FNIP1: variants seen among roughly 807,000 people sequenced by gnomAD.
FNIP1 encodes the protein folliculin-interacting protein 1.
FNIP1 carries 40 observed loss-of-function variants against 124.5 expected under a neutral mutation model. The observed-to-expected ratio is 0.32, with a 90% CI of 0.25 to 0.42. The LOEUF (loss-of-function observed/expected upper bound fraction) is 0.42. FNIP1 is among the 10% of genes least tolerant of loss of function. The pLI is 1.00. For missense variants in FNIP1, 1,176 were observed against 1,403.7 expected (o/e 0.84, Z 2.59); for synonymous variants, 472 against 470.6 (o/e 1.00, Z -0.04).
At chr5:131,777,289 ATC>A in intron 1 of FNIP1, among the ~76,000 whole-genome samples, 1 of 152,200 alleles carries the variant, frequency 6.6e-6, no homozygotes. Context: ...GAAATTTTGT[ATC>A]TCTGTTTTGT....
intron 10 of FNIP1, among the ~76,000 whole-genome samples, chr5:131,702,533 A>G (rs574876839): frequency 6.6e-6 from 1 of 152,292 alleles, no homozygotes; most frequent in East Asian, 1.9e-4. Context: ...GGTGGCAAGA[A>G]TGTCGATTTT....
chr5:131,795,770 C>G (rs936950694), intron 1 of FNIP1: 9 of 152,162 alleles, frequency 5.9e-5, no homozygotes, highest in Admixed American at 3.9e-4. Flanking sequence ...GTGGCAACTT[C>G]GCCTGTTCCA....
At chr5:131,678,976 T>C in intron 12 of FNIP1, 53 bp downstream of exon 12, 1 of 1,219,658 alleles carries the variant, frequency 8.2e-7, no homozygotes, top group African/African-American at 1.5e-5. Flanking sequence ...TCCACATCTG[T>C]AATTGAGTTT....
intron 2 of FNIP1, among the ~76,000 whole-genome samples, chr5:131,737,869 G>A (rs980815331): frequency 3.9e-5 from 6 of 152,118 alleles, no homozygotes; most frequent in African/African-American, 1.4e-4. Context: ...TTATTCACCT[G>A]TATTCCCTAG....
chr5:131,730,267 T>C (rs1350201155), intron 3 of FNIP1, among the ~76,000 whole-genome samples: 1 of 152,176 alleles, frequency 6.6e-6, no homozygotes, highest in Non-Finnish European at 1.5e-5. Context: ...GGTATAAAGA[T>C]CAATTTCCAT....
intron 15 of FNIP1, among the ~76,000 whole-genome samples, chr5:131,652,534 T>C (rs1580727087): frequency 6.6e-6 from 1 of 152,152 alleles, no homozygotes; most frequent in South Asian, 2.1e-4. Context: ...TTTTGTATTT[T>C]AGTAGAGATG....
rs189192684 is a variant in FNIP1, at chr5:131,785,346, G to C, written c.92+11484C>G. 1.9e-3 allele frequency among the ~76,000 whole-genome samples: 286 copies of C among 151,762 alleles called. 1 individual carries two copies. Among genetic ancestry groups the C allele is most frequent in the African/African-American group, 5.9e-3 (243 of 41,422 alleles). On this transcript the variant is annotated intron_variant, in intron 1 of 17. Coordinates refer to ENST00000510461, the MANE Select transcript of FNIP1 (RefSeq NM_133372.3). ...GAGGCAGGTGGACTGCTTGAGGTCA[G>C]GAGTTCAAGACCAGCCTGCCCAACA...
intron 1 of FNIP1, among the ~76,000 whole-genome samples, chr5:131,759,168 T>C (rs1204927243): frequency 6.6e-6 from 1 of 152,018 alleles, no homozygotes; most frequent in Admixed American, 6.6e-5. Flanking sequence ...ACCTAGAAAA[T>C]ACCCTTCTCG....
chr5:131,744,577 T>C lies in FNIP1; in HGVS notation c.206A>G (p.Asp69Gly). Residue 69 changes from aspartate (D) to glycine (G), a missense_variant, in exon 2 of 18, where the codon GAC becomes GGC. Physicochemically the swap from Asp to Gly is moderately conservative, Grantham distance 94 (BLOSUM62 -1). Around this residue, in one of 2 missense-constraint regions of FNIP1, gnomAD observed 1,109 missense variants for 1,288.5 expected, o/e 0.86. Transcript: ENST00000510461. ...AATGATGCTCACCGATACTGATATG[T>C]CCTCATTTCTTCTCTTAACACTGGA... ...FDSSVKRRNE[D>G]ISVSKLGSDA... 1 of 1,604,150 alleles carries C rather than the reference T, an allele frequency of 6.2e-7. No individual in the cohort carries two copies.
At chr5:131,776,143 G>C (rs1248867950) in intron 1 of FNIP1, among the ~76,000 whole-genome samples, 1 of 152,170 alleles carries the variant, frequency 6.6e-6, no homozygotes, top group Admixed American at 6.5e-5. Context: ...TGGTAAATTT[G>C]TAGAACTGCA....
chr5:131,719,958 A>AT (rs1769602265), intron 3 of FNIP1, among the ~76,000 whole-genome samples: 2 of 152,216 alleles, frequency 1.3e-5, no homozygotes, highest in South Asian at 2.1e-4. Context: ...TCCTAATGGC[A>AT]TTTTTTACAA....
In FNIP1 at chr5:131,671,825, C is replaced by G; in HGVS notation, c.2619G>C (p.Leu873Phe). 6.2e-7 allele frequency: 1 copy of G among 1,613,968 alleles called. No homozygotes were observed. Among genetic ancestry groups the G allele is most frequent in the East Asian group, 2.2e-5 (1 of 44,872 alleles). ...TGTTCTGCTTGTTATTTTTTGTACA[C>G]AATATTTTTGAAAACTCTAACATAC... is the stretch of plus-strand genomic sequence containing the variant. ...HCCMLEFSKI[L>F]CTKNNKQNNE... is the part of the protein sequence containing the mutation. Residue 873 changes from leucine (L) to phenylalanine (F), a missense_variant, in exon 14 of 18, where the codon TTG becomes TTC. By Grantham distance (22) the Leu-to-Phe change is conservative (BLOSUM62 0). Transcript: ENST00000510461.
In FNIP1 at chr5:131,651,973, T is replaced by C. The variant is rs143682385; in HGVS notation, c.3135A>G (p.Ala1045=). The C allele has an allele frequency of 8.8e-5, 142 of 1,613,674 alleles. No homozygotes were observed. The African/African-American group carries it at 1.7e-3, about 20-fold the overall frequency. The change falls in exon 16 of 18, where the codon GCA becomes GCG. Residue 1045 remains alanine (A), a synonymous_variant. Coordinates refer to ENST00000510461, the MANE Select transcript of FNIP1 (RefSeq NM_133372.3). ...TGTCAGCTATAATACAGACAGCTTCTGCTATTGGTTCATCCAAAACTGGAT... is the reference window on the plus strand; with the variant it reads ...TGTCAGCTATAATACAGACAGCTTCCGCTATTGGTTCATCCAAAACTGGAT... ...VQHPVLDEPI[A]EAVCIIADMD...
At chr5:131,702,102 T>A (rs1768920842) in intron 10 of FNIP1, among the ~76,000 whole-genome samples, 1 of 152,198 alleles carries the variant, frequency 6.6e-6, no homozygotes, top group Non-Finnish European at 1.5e-5. Context: ...AGGGAAACTG[T>A]TACTTAAATT....
intron 11 of FNIP1, among the ~76,000 whole-genome samples, chr5:131,691,940 A>G (rs1159945780): frequency 1.3e-5 from 2 of 152,070 alleles, no homozygotes; most frequent in African/African-American, 4.8e-5. Flanking sequence ...TTTTTTTCCT[A>G]TGACTGGGAG....
At chr5:131,748,482 A>G (rs1056799695) in intron 1 of FNIP1, among the ~76,000 whole-genome samples, 1 of 152,144 alleles carries the variant, frequency 6.6e-6, no homozygotes, top group African/African-American at 2.4e-5. Flanking sequence ...TCACAAGGTC[A>G]GGAGATTGAG....
chr5:131,778,844 T>C (rs1187339168), intron 1 of FNIP1, among the ~76,000 whole-genome samples: 25 of 138,928 alleles, frequency 1.8e-4, no homozygotes, highest in African/African-American at 6.9e-4. Flanking sequence ...ATGTCGTTTG[T>C]AGGGACATGG....
intron 3 of FNIP1, among the ~76,000 whole-genome samples, chr5:131,723,098 T>C (rs1401925809): frequency 1.3e-5 from 2 of 152,200 alleles, no homozygotes; most frequent in African/African-American, 4.8e-5. Context: ...TTTTAAGACA[T>C]AGAGGCTTGG....
chr5:131,669,081 CT>C (rs1262687512), intron 15 of FNIP1, among the ~76,000 whole-genome samples: 2 of 152,202 alleles, frequency 1.3e-5, no homozygotes, highest in Non-Finnish European at 2.9e-5. Context: ...ATATAAACAA[CT>C]TGATTCTAGT....
Sources: gnomAD v4.1 joint callset for allele counts (sites outside exome capture counted in the v4.1 genomes callset) on GRCh38, gnomAD v4.1.1 for gene constraint, gnomAD v4.1.1 regional missense constraint, MANE v1.5 for transcripts, NCBI Gene and HGNC (gene_info 2026-07-23, HGNC 2026-07-21) for gene names.